The following RGS6 variants were observed in gnomAD, a reference collection of about 807,000 sequenced individuals.
RGS6 encodes the protein regulator of G protein signaling 6, also known as regulator of G-protein signaling 6.
RGS6 carries 30 observed loss-of-function variants against 78.5 expected under a neutral mutation model. That is an observed-to-expected ratio of 0.38 (90% CI 0.29 to 0.52). RGS6 has a LOEUF of 0.52. Among genes scored for constraint, RGS6 ranks in the 20% least tolerant of loss-of-function variants. The probability of loss-of-function intolerance (pLI) is 0.85; values close to 1 mark genes in which losing one functional copy is unlikely to be tolerated. For missense variants in RGS6, 495 were observed against 609.7 expected (o/e 0.81, Z 1.98); for synonymous variants, 206 against 206.0 (o/e 1.00, Z 0.00).
intron 1 of RGS6, among the ~76,000 whole-genome samples, chr14:71,963,051 C>T (rs2093313336): frequency 6.6e-6 from 1 of 152,174 alleles, no homozygotes. Flanking sequence ...TGCTCTCATA[C>T]TCAGCTTATT....
chr14:72,570,085 G>A (rs567072612), downstream of RGS6, among the ~76,000 whole-genome samples: 1 of 152,240 alleles, frequency 6.6e-6, no homozygotes, highest in East Asian at 1.9e-4. Flanking sequence ...TGTATCCACA[G>A]TTTCCACGGA....
At chr14:71,873,997 C>A in the RGS6 span, among the ~76,000 whole-genome samples, 6 of 152,098 alleles carry the variant, frequency 3.9e-5, no homozygotes, top group African/African-American at 1.4e-4. Context: ...TTCCATTGGT[C>A]TATATCTCTG....
chr14:72,085,067 T>C (rs558808710), intron 2 of RGS6, among the ~76,000 whole-genome samples: 2 of 152,298 alleles, frequency 1.3e-5, no homozygotes, highest in South Asian at 4.1e-4. Context: ...GGTAATGACC[T>C]GTTATGAGCC....
At chr14:72,375,055 CAG>C (rs1048406050) in intron 3 of RGS6, among the ~76,000 whole-genome samples, 1 of 152,056 alleles carries the variant, frequency 6.6e-6, no homozygotes, top group African/African-American at 2.4e-5. Context: ...TAAAAGTACT[CAG>C]AATGTATCAC....
chr14:72,126,569 AT>A (rs907405019), intron 2 of RGS6, among the ~76,000 whole-genome samples: 2 of 152,202 alleles, frequency 1.3e-5, no homozygotes, highest in Non-Finnish European at 2.9e-5. Context: ...CATTGTGAGC[AT>A]TTTTGTCTCC....
intron 2 of RGS6, among the ~76,000 whole-genome samples, chr14:72,232,227 G>A (rs1366945974): frequency 1.3e-5 from 2 of 152,210 alleles, no homozygotes. Context: ...GGGGTCTGCT[G>A]TGTTGACATG....
intron 2 of RGS6, among the ~76,000 whole-genome samples, chr14:72,037,785 G>A (rs549453250): frequency 6.6e-6 from 1 of 152,054 alleles, no homozygotes; most frequent in Non-Finnish European, 1.5e-5. Context: ...GTGTTATGTG[G>A]GCATATGCAT....
At chr14:72,382,311 AAATATACATGACCAAT>A (rs1281877007) in intron 3 of RGS6, among the ~76,000 whole-genome samples, 1 of 152,178 alleles carries the variant, frequency 6.6e-6, no homozygotes, top group Non-Finnish European at 1.5e-5. Context: ...ATAGAAGAGA[AAATATACATGACCAAT>A]AAGCATACAA....
Position 72,474,632 on chromosome 14 carries a change from G to A in RGS6, c.626G>A (p.Cys209Tyr), listed in dbSNP as rs1212478379. 6.2e-7 allele frequency: 1 copy of A among 1,609,470 alleles called. No individual in the cohort carries two copies. Among genetic ancestry groups the A allele is most frequent in the Admixed American group, 1.7e-5 (1 of 59,454 alleles). The change falls in exon 10 of 18, where the codon TGT (cysteine) becomes TAT (tyrosine). Residue 209 changes from cysteine to tyrosine, a missense_variant. Transcript: ENST00000553525. ...GTGTTTTTTTTTTCTCAGCCAGGCTGTGTGAACACAACAGAAATGGATATC... is the reference window on the plus strand; with the variant it reads ...GTGTTTTTTTTTTCTCAGCCAGGCTATGTGAACACAACAGAAATGGATATC... ...FWDVHRPVPGCVNTTEMDIRK... is the reference protein window; with the variant it reads ...FWDVHRPVPGYVNTTEMDIRK...
chr14:72,375,519 A>G (rs1179593490), intron 3 of RGS6, among the ~76,000 whole-genome samples: 2 of 152,188 alleles, frequency 1.3e-5, no homozygotes, highest in Non-Finnish European at 2.9e-5. Flanking sequence ...AGAGCCCCAC[A>G]GACTGCTCCT....
chr14:72,379,648 T>C (rs1437722194), intron 3 of RGS6, among the ~76,000 whole-genome samples: 1 of 151,808 alleles, frequency 6.6e-6, no homozygotes, highest in Non-Finnish European at 1.5e-5. Context: ...TAAGGAAAAC[T>C]ACAAAACACT....
Position 72,550,310 on chromosome 14 carries a change from G to A in RGS6, c.1422+10216G>A, listed in dbSNP as rs900504778. On this transcript the variant is annotated intron_variant, in intron 17 of 17. Coordinates refer to ENST00000553525, the MANE Select transcript of RGS6 (RefSeq NM_001204424.2). ...TCTATCAGGTGCAGTTGGTGCCTAG[G>A]TATAAGAGGTGGGGGAGAGGGAAGG... 90 of 694,940 alleles carry A rather than the reference G, an allele frequency of 1.3e-4. No individual in the cohort carries two copies. The African/African-American group carries it at 1.3e-3, about 10-fold the overall frequency. 43.0% of individuals were successfully genotyped at this position (694,940 alleles called of 1,614,324 possible).
intron 2 of RGS6, among the ~76,000 whole-genome samples, chr14:72,183,979 A>G (rs1352386777): frequency 6.6e-6 from 1 of 152,212 alleles, no homozygotes; most frequent in Non-Finnish European, 1.5e-5. Context: ...GTTTACCATC[A>G]GTCTCCACAT....
At chr14:72,579,108 GTC>G in the RGS6 span, among the ~76,000 whole-genome samples, 1,002 of 151,496 alleles carry the variant, frequency 6.6e-3, 17 homozygotes, top group African/African-American at 0.023. Context: ...GTCAGTCTCT[GTC>G]TCTCTCTCTC....
intron 2 of RGS6, among the ~76,000 whole-genome samples, chr14:72,351,705 A>T (rs2079136979): frequency 6.6e-6 from 1 of 152,186 alleles, no homozygotes; most frequent in Admixed American, 6.5e-5. Flanking sequence ...GCCTTTGTGG[A>T]AGGGGTGGGG....
In RGS6 at chr14:72,115,422, G is replaced by A. The variant is rs537141414; in HGVS notation, c.84+150547G>A. ...GGGATAAGCTGGAATCCATCAAGAT[G>A]GACTGAAACCCACATTGGTCTCTTG... is the stretch of plus-strand genomic sequence containing the variant. On this transcript the variant is annotated intron_variant, in intron 2 of 17. Coordinates refer to ENST00000553525, the MANE Select transcript of RGS6 (RefSeq NM_001204424.2). Among the ~76,000 whole-genome samples the A allele has an allele frequency of 9.9e-5, 15 of 152,248 alleles. No homozygotes were observed. In the South Asian group the frequency reaches 2.7e-3, roughly 27 times the overall value.
intron 1 of RGS6, among the ~76,000 whole-genome samples, chr14:71,953,825 C>T (rs1484875222): frequency 1.3e-5 from 2 of 152,028 alleles, no homozygotes; most frequent in Non-Finnish European, 2.9e-5. Flanking sequence ...TAATTTTCCT[C>T]TGCCTGAAGA....
At position 72,522,445 on chromosome 14, in the gene RGS6, T is replaced by A. The variant is rs1019276301; in HGVS notation, c.1278+3908T>A. Among the ~76,000 whole-genome samples, 5 of 152,328 alleles carry A rather than the reference T, an allele frequency of 3.3e-5. No individual in the cohort carries two copies. In the South Asian group the frequency reaches 1.0e-3, roughly 32 times the overall value. On this transcript the variant is annotated intron_variant, in intron 15 of 17. Transcript: ENST00000553525. ...TAGCGTGATCCTGTAACCTGCCTTT[T>A]ACCTAAAACAGGGGTCAGTTAAAAA... is the stretch of plus-strand genomic sequence containing the variant.
chr14:71,904,055 A>C, the RGS6 span, among the ~76,000 whole-genome samples: 1 of 152,232 alleles, frequency 6.6e-6, no homozygotes, highest in Non-Finnish European at 1.5e-5. Flanking sequence ...ATACTAACTG[A>C]TAGAAACATT....
Sources: gnomAD v4.1 joint callset for allele counts (sites outside exome capture counted in the v4.1 genomes callset) on GRCh38, gnomAD v4.1.1 for gene constraint, MANE v1.5 for transcripts, NCBI Gene and HGNC (gene_info 2026-07-23, HGNC 2026-07-21) for gene names.